The following NBEA variants were observed in gnomAD, a reference collection of about 807,000 sequenced individuals.
NBEA encodes the protein neurobeachin.
NBEA carries 44 observed loss-of-function variants against 343.4 expected under a neutral mutation model. The ratio of observed to expected loss-of-function variants is 0.13; its 90% confidence interval spans 0.10 to 0.16. The LOEUF (loss-of-function observed/expected upper bound fraction) is 0.16, where lower values mean the gene tolerates loss of function less well. NBEA is among the 10% of genes least tolerant of loss of function. The pLI, the probability that NBEA is intolerant of heterozygous loss-of-function variation, is 1.00. For synonymous variants in NBEA, 1,175 were observed against 1,238.7 expected (o/e 0.95, Z 1.08); for missense variants, 2,555 against 3,631.3 (o/e 0.70, Z 7.62).
rs551221135 is a variant in NBEA, at chr13:35,339,897, G to A, written c.5904-9211G>A. On this transcript the variant is annotated intron_variant, in intron 36 of 58. Coordinates refer to ENST00000379939, the MANE Select transcript of NBEA (RefSeq NM_001385012.1). ...CCACCAAGCCCCACCTCCACCACTG[G>A]AAATTACACTTCAACATACAATTTG... is the stretch of plus-strand genomic sequence containing the variant. 2.6e-5 allele frequency among the ~76,000 whole-genome samples: 4 copies of A among 152,114 alleles called. No homozygotes were observed. The South Asian group carries it at 8.3e-4, about 32-fold the overall frequency.
At chr13:35,569,524 A>G (rs2080294010) in intron 45 of NBEA, among the ~76,000 whole-genome samples, 1 of 152,236 alleles carries the variant, frequency 6.6e-6, no homozygotes. Flanking sequence ...AAGGAAACTT[A>G]TAGACTGAAG....
In NBEA at chr13:35,116,066, A is replaced by G. The variant is rs553001384; in HGVS notation, c.2003-1348A>G. Among the ~76,000 whole-genome samples the G allele has an allele frequency of 6.6e-5, 10 of 152,290 alleles. 1 individual carries two copies. The South Asian group carries it at 2.1e-3, about 32-fold the overall frequency. ...CAGAGCTGAGGTCTGGAGCATGGTG[A>G]GGGCTTTGGCATGCAGGGCAGGATG... On this transcript the variant is annotated intron_variant, in intron 13 of 58. Coordinates refer to ENST00000379939, the MANE Select transcript of NBEA (RefSeq NM_001385012.1).
At chr13:35,445,921 CT>C in intron 39 of NBEA, among the ~76,000 whole-genome samples, 1 of 150,450 alleles carries the variant, frequency 6.6e-6, no homozygotes, top group Admixed American at 6.6e-5. Context: ...CACCCATTAA[CT>C]GGTCATTTAC....
Position 35,202,173 on chromosome 13 carries a change from A to G in NBEA, c.5366+5871A>G, listed in dbSNP as rs534941925. Reference sequence around the variant, plus strand: ...ACTTTTCCCTACTTGGTTAATTTCTATTGATCCTTTTCATTTCAGCCCACT... The same window carrying G: ...ACTTTTCCCTACTTGGTTAATTTCTGTTGATCCTTTTCATTTCAGCCCACT... On this transcript the variant is annotated intron_variant, in intron 31 of 58. Coordinates refer to ENST00000379939, the MANE Select transcript of NBEA (RefSeq NM_001385012.1). Among the ~76,000 whole-genome samples the G allele has an allele frequency of 7.2e-5, 11 of 152,050 alleles. No homozygotes were observed. In the South Asian group the frequency reaches 2.3e-3, roughly 32 times the overall value.
chr13:35,405,271 C>G (rs1303195056), intron 38 of NBEA, among the ~76,000 whole-genome samples: 1 of 152,064 alleles, frequency 6.6e-6, no homozygotes, highest in Non-Finnish European at 1.5e-5. Flanking sequence ...ACTGTTACAT[C>G]CATATGAATG....
intron 10 of NBEA, among the ~76,000 whole-genome samples, chr13:35,080,805 T>A (rs1445189916): frequency 6.6e-6 from 1 of 152,084 alleles, no homozygotes; most frequent in East Asian, 1.9e-4. Flanking sequence ...AATGTGGAAG[T>A]CAGGCATGAG....
At chr13:35,654,389 A>T (rs2084703709) in intron 53 of NBEA, among the ~76,000 whole-genome samples, 1 of 152,172 alleles carries the variant, frequency 6.6e-6, no homozygotes, top group Admixed American at 6.5e-5. Flanking sequence ...CCCTTGCTCA[A>T]ATCTCTACCC....
chr13:35,604,109 C>T (rs952553261), intron 47 of NBEA, among the ~76,000 whole-genome samples: 5 of 152,144 alleles, frequency 3.3e-5, no homozygotes, highest in Non-Finnish European at 7.3e-5. Flanking sequence ...GTCATGTTTG[C>T]CCAGCCTGGA....
chr13:35,444,112 GT>G (rs1228001481), intron 39 of NBEA, among the ~76,000 whole-genome samples: 1 of 151,820 alleles, frequency 6.6e-6, no homozygotes, highest in African/African-American at 2.4e-5. Flanking sequence ...AGCATAAAAT[GT>G]TTTCGAACAA....
At chr13:35,075,919 C>T (rs998099637) in intron 10 of NBEA, among the ~76,000 whole-genome samples, 2 of 151,774 alleles carry the variant, frequency 1.3e-5, no homozygotes, top group African/African-American at 4.8e-5. Flanking sequence ...ACCATGTTTC[C>T]TGATTTTTAA....
intron 1 of NBEA, among the ~76,000 whole-genome samples, chr13:35,003,917 A>G (rs1056262821): frequency 1.3e-5 from 2 of 151,944 alleles, no homozygotes; most frequent in African/African-American, 4.8e-5. Context: ...TTAGCCATTT[A>G]TCCTGATGCT....
chr13:35,421,989 C>A (rs1234517435), intron 38 of NBEA, among the ~76,000 whole-genome samples: 2 of 151,786 alleles, frequency 1.3e-5, no homozygotes, highest in South Asian at 2.1e-4. Flanking sequence ...TTAGCATGGA[C>A]TTCCATGGAT....
At chr13:35,033,170 T>G (rs2152551139) in intron 1 of NBEA, among the ~76,000 whole-genome samples, 1 of 152,072 alleles carries the variant, frequency 6.6e-6, no homozygotes, top group Admixed American at 6.6e-5. Context: ...CCACTTTGAT[T>G]TGATTTTTGT....
intron 36 of NBEA, among the ~76,000 whole-genome samples, chr13:35,342,669 A>G (rs1376812277): frequency 6.6e-6 from 1 of 152,032 alleles, no homozygotes; most frequent in East Asian, 1.9e-4. Flanking sequence ...GTTACATAAT[A>G]TTGTTGCAGA....
chr13:35,143,672 T>TA (rs1369355309), intron 18 of NBEA, among the ~76,000 whole-genome samples: 6 of 152,096 alleles, frequency 3.9e-5, no homozygotes, highest in Non-Finnish European at 5.9e-5. Flanking sequence ...GTTTTAAAAA[T>TA]AAAAATGAGA....
rs77159246 is a variant in NBEA, at chr13:35,487,329, A to G, written c.6585+14793A>G. Among the ~76,000 whole-genome samples, 1,069 of 152,120 alleles carry G rather than the reference A, an allele frequency of 7.0e-3. 13 individuals carry two copies. The highest frequency in any genetic ancestry group is 0.024 in the African/African-American group (1,013 of 41,530). ...ATAGAATTAGTACTTATAGTTACTA[A>G]TCAGTACTTATGCTCAATTTGTATT... On this transcript the variant is annotated intron_variant, in intron 41 of 58. Coordinates refer to ENST00000379939, the MANE Select transcript of NBEA (RefSeq NM_001385012.1).
intron 45 of NBEA, among the ~76,000 whole-genome samples, chr13:35,569,336 A>T (rs74044735): frequency 0.027 from 4,101 of 152,268 alleles, 198 homozygotes; most frequent in African/African-American, 0.092. Context: ...TATTTAACAT[A>T]AATTGAATAG....
intron 35 of NBEA, among the ~76,000 whole-genome samples, chr13:35,309,047 G>A (rs2037184038): frequency 6.6e-6 from 1 of 151,748 alleles, no homozygotes; most frequent in African/African-American, 2.4e-5. Context: ...AAGTAATTTG[G>A]AATGTACATA....
intron 41 of NBEA, among the ~76,000 whole-genome samples, chr13:35,477,384 T>A (rs955899629): frequency 2.0e-5 from 3 of 152,186 alleles, no homozygotes; most frequent in South Asian, 2.1e-4. Context: ...TTAAAAAATA[T>A]TTCGTACATC....
Sources: gnomAD v4.1 joint callset for allele counts (sites outside exome capture counted in the v4.1 genomes callset) on GRCh38, gnomAD v4.1.1 for gene constraint, MANE v1.5 for transcripts, NCBI Gene and HGNC (gene_info 2026-07-23, HGNC 2026-07-21) for gene names.